The following DNAH11 variants were observed in gnomAD, a reference collection of about 807,000 sequenced individuals.
DNAH11 encodes dynein axonemal heavy chain 11, also known as axonemal beta dynein heavy chain 11.
Under a neutral mutation model 526.0 loss-of-function variants are expected in DNAH11, and 442 were observed. The observed-to-expected ratio is 0.84, with a 90% CI of 0.78 to 0.91. The LOEUF (loss-of-function observed/expected upper bound fraction) is 0.91. Ranked by LOEUF, DNAH11 falls within the 40% of genes least tolerant of loss-of-function variation. DNAH11 has a pLI of 0.00. For synonymous variants in DNAH11, 2,461 were observed against 1,935.9 expected (o/e 1.27, Z -7.12); for missense variants, 6,989 against 5,448.7 (o/e 1.28, Z -8.90).
In DNAH11 at chr7:21,867,984, C is replaced by T. The variant is rs760342537; in HGVS notation, c.11816C>T (p.Ala3939Val). ...IFFILSPGVD[A>V]LKDLEILGKR... Reference sequence around the variant, plus strand: ...TTCATCCTGTCTCCGGGGGTAGATGCCCTTAAAGACCTGGAGATTCTTGGT... The same window carrying T: ...TTCATCCTGTCTCCGGGGGTAGATGTCCTTAAAGACCTGGAGATTCTTGGT... Residue 3939 changes from alanine to valine, a missense_variant, in exon 72 of 82, where the codon GCC becomes GTC. Coordinates refer to ENST00000409508, the MANE Select transcript of DNAH11 (RefSeq NM_001277115.2). 9.0e-6 allele frequency: 14 copies of T among 1,551,888 alleles called. No homozygotes were observed. The highest frequency in any genetic ancestry group is 2.7e-5 in the African/African-American group (2 of 73,162).
rs767943346 is a variant in DNAH11, at chr7:21,787,518, C to T, written c.9859C>T (p.Arg3287Ter). The T allele has an allele frequency of 2.5e-6, 4 of 1,613,566 alleles. No homozygotes were observed. The highest frequency in any genetic ancestry group is 3.4e-6 in the Non-Finnish European group (4 of 1,179,678). ...CCCAGAGTTTAATCCAAACCTGATTCGAACCAAATCTTTTGCAGCAGCTGG... is the reference window on the plus strand; with the variant it reads ...CCCAGAGTTTAATCCAAACCTGATTTGAACCAAATCTTTTGCAGCAGCTGG... Reference protein sequence around the residue: ...KDPEFNPNLIRTKSFAAAGLC... With the variant: ...KDPEFNPNLI The change falls in exon 60 of 82, where the codon CGA becomes TGA. Residue 3287 changes from arginine to a stop codon, truncating the protein, a stop_gained. Transcript: ENST00000409508. LOFTEE classifies it high-confidence loss of function.
At chr7:21,863,451 C>T (rs1755954873) in intron 69 of DNAH11, among the ~76,000 whole-genome samples, 1 of 152,146 alleles carries the variant, frequency 6.6e-6, no homozygotes, top group African/African-American at 2.4e-5. Flanking sequence ...CCTCAGCCTC[C>T]CGAGTAGCTG....
chr7:21,713,502 C>A (rs1784538626), intron 42 of DNAH11, among the ~76,000 whole-genome samples: 1 of 152,168 alleles, frequency 6.6e-6, no homozygotes, highest in Non-Finnish European at 1.5e-5. Context: ...CTTCCAGGTT[C>A]TGGCAGTCCT....
rs564720546 is a variant in DNAH11 at position 21,900,845 on chromosome 7, C to T, written c.13304-162C>T. ...CCTCCGCTGCAGGCAGGGTAACCTACCTTTCAAAGCTCAGTCCGGCCAGCT... is the reference window on the plus strand; with the variant it reads ...CCTCCGCTGCAGGCAGGGTAACCTATCTTTCAAAGCTCAGTCCGGCCAGCT... On this transcript the variant is annotated intron_variant, in intron 81 of 81. Coordinates refer to ENST00000409508, the MANE Select transcript of DNAH11 (RefSeq NM_001277115.2). 469 of 1,209,818 alleles carry T rather than the reference C, an allele frequency of 3.9e-4. 2 individuals are homozygous for T. Among genetic ancestry groups the T allele is most frequent in the African/African-American group, 3.3e-3 (218 of 65,472 alleles). The allele number at this position is 1,209,818 out of a possible 1,614,324, so 74.9% of individuals were successfully genotyped here.
At chr7:21,837,215 G>A (rs1782029074) in intron 65 of DNAH11, among the ~76,000 whole-genome samples, 1 of 152,140 alleles carries the variant, frequency 6.6e-6, no homozygotes, top group South Asian at 2.1e-4. Context: ...ACTACCGTAT[G>A]ATCCAGCAGT....
chr7:21,563,296 C>T (rs1783539488), intron 5 of DNAH11, among the ~76,000 whole-genome samples: 1 of 151,998 alleles, frequency 6.6e-6, no homozygotes, highest in South Asian at 2.1e-4. Context: ...GCAGCCTCGA[C>T]CTCCCAGGCT....
At chr7:21,793,913 G>A (rs1220341714) in intron 61 of DNAH11, among the ~76,000 whole-genome samples, 2 of 152,056 alleles carry the variant, frequency 1.3e-5, no homozygotes, top group Non-Finnish European at 2.9e-5. Flanking sequence ...TGTTAGATGT[G>A]CTCTTTTGAG....
intron 2 of DNAH11, 72 bp downstream of exon 2, chr7:21,545,221 C>G: frequency 8.1e-7 from 1 of 1,241,918 alleles, no homozygotes; most frequent in Non-Finnish European, 1.0e-6. Flanking sequence ...AGGACAACTC[C>G]GATAATTAAA....
At chr7:21,652,806 T>A (rs1781841786) in intron 28 of DNAH11, among the ~76,000 whole-genome samples, 3 of 152,222 alleles carry the variant, frequency 2.0e-5, no homozygotes, top group Admixed American at 1.3e-4. Flanking sequence ...TAAAAAATGA[T>A]TTGAGGTGCT....
rs555116323 is a variant in DNAH11, at chr7:21,835,129, C to T, written c.10692-7415C>T. ...GGTTGAATCAATAGTCAAAAGTGTC[C>T]CATCAAAGAAGAGCCCTAGGACCTG... On this transcript the variant is annotated intron_variant, in intron 65 of 81. Coordinates refer to ENST00000409508, the MANE Select transcript of DNAH11 (RefSeq NM_001277115.2). Among the ~76,000 whole-genome samples, 9 of 151,356 alleles carry T rather than the reference C, an allele frequency of 5.9e-5. No individual in the cohort carries two copies. The South Asian group carries it at 1.0e-3, about 18-fold the overall frequency.
chr7:21,558,475 A>G (rs1193050835), intron 2 of DNAH11, among the ~76,000 whole-genome samples: 1 of 152,192 alleles, frequency 6.6e-6, no homozygotes, highest in Non-Finnish European at 1.5e-5. Context: ...TGTGCCTGCC[A>G]GTGTGCTCAG....
intron 27 of DNAH11, 100 bp downstream of exon 27, chr7:21,637,802 C>G (rs1006121987): frequency 9.7e-6 from 6 of 618,086 alleles, no homozygotes; most frequent in African/African-American, 1.9e-5. Context: ...GAGGTGCAAC[C>G]TCTACTAAAT....
At chr7:21,891,579 A>C (rs1392626453) in intron 76 of DNAH11, among the ~76,000 whole-genome samples, 2 of 152,164 alleles carry the variant, frequency 1.3e-5, no homozygotes, top group South Asian at 4.1e-4. Flanking sequence ...TCTACATTCT[A>C]ATGTTTAGAG....
chr7:21,856,134 G>T (rs991639952), intron 68 of DNAH11, among the ~76,000 whole-genome samples: 4 of 152,174 alleles, frequency 2.6e-5, no homozygotes, highest in South Asian at 2.1e-4. Context: ...ATCTAGAGAG[G>T]TGGGAAAGAC....
intron 36 of DNAH11, 132 bp from the exon 37 acceptor site, chr7:21,702,578 A>C (rs1176486200): frequency 1.4e-6 from 1 of 704,504 alleles, no homozygotes; most frequent in Non-Finnish European, 2.4e-6. Flanking sequence ...GAGCAGAAGA[A>C]AATAGTATTT....
intron 45 of DNAH11, among the ~76,000 whole-genome samples, chr7:21,733,680 T>A (rs555319916): frequency 6.6e-6 from 1 of 152,240 alleles, no homozygotes; most frequent in East Asian, 1.9e-4. Flanking sequence ...ATGTGATTAT[T>A]TAATTAACAG....
chr7:21,588,190 C>T lies in DNAH11; in HGVS notation c.1837C>T (p.His613Tyr), dbSNP rs768969101. Residue 613 changes from histidine (H) to tyrosine (Y), a missense_variant, in exon 10 of 82, where the codon CAC becomes TAC. Physicochemically the swap from His to Tyr is moderately conservative, Grantham distance 83 (BLOSUM62 2). Transcript: ENST00000409508. The stretch of plus-strand genomic sequence containing the variant: ...TGTGTGTAAGCAACTGTATAATGAA[C>T]ACATGAAACAGGTAAGTGGTGGATA... ...LDVCKQLYNEHMKQIECGHVV... is the reference protein window; with the variant it reads ...LDVCKQLYNEYMKQIECGHVV... 12 of 1,611,112 alleles carry T rather than the reference C, an allele frequency of 7.4e-6. No individual in the cohort carries two copies. The highest frequency in any genetic ancestry group is 3.4e-5 in the Admixed American group (2 of 59,510).
chr7:21,597,365 G>A (rs1044198594), intron 14 of DNAH11, among the ~76,000 whole-genome samples: 4 of 152,272 alleles, frequency 2.6e-5, no homozygotes, highest in East Asian at 1.9e-4. Flanking sequence ...CTACTAGTGC[G>A]ACGCTGAATG....
chr7:21,694,835 A>T (rs987374455), intron 35 of DNAH11, among the ~76,000 whole-genome samples: 1 of 152,094 alleles, frequency 6.6e-6, no homozygotes, highest in Non-Finnish European at 1.5e-5. Context: ...AAGCATTCCT[A>T]TTTCTCCACG....
Sources: allele counts gnomAD v4.1 joint callset (sites outside exome capture counted in the v4.1 genomes callset), GRCh38; gene constraint gnomAD v4.1.1; transcripts MANE v1.5; gene names NCBI Gene and HGNC (gene_info 2026-07-23, HGNC 2026-07-21).